GPC5: variants seen among roughly 807,000 people sequenced by gnomAD.
GPC5 encodes the protein glypican-5.
A neutral mutation model predicts 53.9 loss-of-function variants in GPC5; 47 were observed. The observed-to-expected ratio is 0.87, with a 90% CI of 0.69 to 1.11. The LOEUF (loss-of-function observed/expected upper bound fraction) is 1.11, where lower values mean the gene tolerates loss of function less well. GPC5 is among the 50% of genes most tolerant of loss of function. The pLI is 0.00. For missense variants in GPC5, 748 were observed against 713.1 expected (o/e 1.05, Z -0.56); for synonymous variants, 286 against 263.3 (o/e 1.09, Z -0.84).
Position 92,866,461 on chromosome 13 carries a change from TAC to T in GPC5, c.*23_*24del, listed in dbSNP as rs1415554411. 2.6e-6 allele frequency: 4 copies of T among 1,558,056 alleles called. No homozygotes were observed. The highest frequency in any genetic ancestry group is 3.5e-6 in the Non-Finnish European group (4 of 1,145,548). On this transcript the variant is annotated 3_prime_UTR_variant, in exon 8 of 8. Coordinates refer to ENST00000377067, the MANE Select transcript of GPC5 (RefSeq NM_004466.6). ...GTAACTGAACTCTTCTGTCCTGACA[TAC>T]CTTACTGAAGTCTCGATTTCTTCTC...
rs569720322 is a variant in GPC5 at position 91,485,628 on chromosome 13, CT to C, written c.325+36714del. On this transcript the variant is annotated intron_variant, in intron 2 of 7. Coordinates refer to ENST00000377067, the MANE Select transcript of GPC5 (RefSeq NM_004466.6). The stretch of plus-strand genomic sequence containing the variant: ...AATAGTAATAGCAAACAACTGTGCT[CT>C]TTTTTTTCTTCCAGTTAAGATTTGT... Among the ~76,000 whole-genome samples, 116 of 152,084 alleles carry C rather than the reference CT, an allele frequency of 7.6e-4. 1 individual carries two copies. The highest frequency in any genetic ancestry group is 2.6e-3 in the African/African-American group (106 of 41,488).
chr13:91,813,283 C>T (rs980344111), intron 5 of GPC5, among the ~76,000 whole-genome samples: 7 of 152,162 alleles, frequency 4.6e-5, no homozygotes, highest in African/African-American at 1.4e-4. Flanking sequence ...TACTTTGATG[C>T]ACCTGTTATG....
intron 7 of GPC5, among the ~76,000 whole-genome samples, chr13:92,758,476 A>T (rs1351589922): frequency 6.6e-6 from 1 of 152,054 alleles, no homozygotes; most frequent in African/African-American, 2.4e-5. Flanking sequence ...AAAGTATAAT[A>T]ATAATAAAAA....
At chr13:91,905,299 C>T (rs1442917900) in intron 5 of GPC5, among the ~76,000 whole-genome samples, 2 of 151,718 alleles carry the variant, frequency 1.3e-5, no homozygotes, top group Admixed American at 6.6e-5. Context: ...CTCTCTCTAT[C>T]TCTCTCTATA....
In GPC5 at chr13:91,731,834, A is replaced by T. The variant is rs754605990; in HGVS notation, c.1154+3169A>T. 1.8e-4 allele frequency among the ~76,000 whole-genome samples: 27 copies of T among 152,116 alleles called. 1 individual carries two copies. The highest frequency in any genetic ancestry group is 3.1e-4 in the Non-Finnish European group (21 of 68,034). The stretch of plus-strand genomic sequence containing the variant: ...GCTGAGGATGATGGCTTCCAGCTTC[A>T]CCCATGTCCCTGAAAAGGACACGGT... On this transcript the variant is annotated intron_variant, in intron 4 of 7. Transcript: ENST00000377067.
intron 2 of GPC5, among the ~76,000 whole-genome samples, chr13:91,675,834 G>A (rs1246972610): frequency 9.9e-5 from 15 of 152,270 alleles, no homozygotes; most frequent in Admixed American, 7.8e-4. Flanking sequence ...ACAAGGAGGC[G>A]GGAGATGAAA....
chr13:92,146,983 G>A (rs1313570739), intron 7 of GPC5, among the ~76,000 whole-genome samples: 2 of 152,002 alleles, frequency 1.3e-5, no homozygotes, highest in Non-Finnish European at 2.9e-5. Flanking sequence ...ATAACTCTTA[G>A]GGCATAATGG....
rs919526457 is a variant in GPC5 at position 91,682,528 on chromosome 13, A to T, written c.326-10659A>T. 1.8e-4 allele frequency among the ~76,000 whole-genome samples: 27 copies of T among 152,308 alleles called. 1 individual carries two copies. The highest frequency in any genetic ancestry group is 5.2e-4 in the Admixed American group (8 of 15,282). ...GGAAATTTACACGCATGGGACTAGC[A>T]TCTAATTATAGGGCATTTGAACCAA... is the stretch of plus-strand genomic sequence containing the variant. On this transcript the variant is annotated intron_variant, in intron 2 of 7. Transcript: ENST00000377067.
intron 7 of GPC5, among the ~76,000 whole-genome samples, chr13:92,607,726 G>A (rs1292463898): frequency 3.3e-5 from 5 of 152,110 alleles, no homozygotes; most frequent in Admixed American, 3.3e-4. Context: ...GCTAAATTGA[G>A]CTGATTTAAT....
chr13:91,961,595 A>C (rs1383493752), intron 6 of GPC5, among the ~76,000 whole-genome samples: 1 of 152,122 alleles, frequency 6.6e-6, no homozygotes. Context: ...AGGAATAAAC[A>C]AAGGATTGTT....
At chr13:92,474,590 G>C (rs1212043404) in intron 7 of GPC5, among the ~76,000 whole-genome samples, 1 of 150,816 alleles carries the variant, frequency 6.6e-6, no homozygotes, top group African/African-American at 2.4e-5. Context: ...AATATGTATG[G>C]TATAATTTTT....
intron 4 of GPC5, among the ~76,000 whole-genome samples, chr13:91,733,890 A>G (rs1275198053): frequency 6.6e-6 from 1 of 152,164 alleles, no homozygotes; most frequent in African/African-American, 2.4e-5. Flanking sequence ...GAGAAGGGGC[A>G]TCCTTGTTTT....
intron 2 of GPC5, among the ~76,000 whole-genome samples, chr13:91,634,516 A>C (rs536253896): frequency 3.3e-5 from 5 of 152,186 alleles, no homozygotes; most frequent in African/African-American, 1.2e-4. Context: ...CCAAAGTCTC[A>C]TAAGTCTCAT....
At chr13:92,113,995 C>T (rs950888855) in intron 6 of GPC5, among the ~76,000 whole-genome samples, 3 of 152,154 alleles carry the variant, frequency 2.0e-5, no homozygotes, top group South Asian at 4.1e-4. Context: ...TGTTTAGTAT[C>T]GGGTTATATG....
intron 1 of GPC5, among the ~76,000 whole-genome samples, chr13:91,426,131 A>G (rs1428146034): frequency 6.6e-6 from 1 of 152,200 alleles, no homozygotes; most frequent in Non-Finnish European, 1.5e-5. Flanking sequence ...AAGAAAAACT[A>G]ATTTTCTGGG....
chr13:91,678,144 TAAC>T (rs2035425602), intron 2 of GPC5, among the ~76,000 whole-genome samples: 1 of 152,230 alleles, frequency 6.6e-6, no homozygotes, highest in African/African-American at 2.4e-5. Context: ...AAACTGTCTG[TAAC>T]TTCGGAGTGA....
At chr13:92,035,372 G>C (rs2040884862) in intron 6 of GPC5, among the ~76,000 whole-genome samples, 1 of 152,064 alleles carries the variant, frequency 6.6e-6, no homozygotes, top group East Asian at 1.9e-4. Context: ...GGAGTTCTTG[G>C]CATAGATTTT....
chr13:91,913,167 G>A (rs547130319), intron 6 of GPC5, among the ~76,000 whole-genome samples: 32 of 152,222 alleles, frequency 2.1e-4, no homozygotes, highest in Admixed American at 8.5e-4. Context: ...TTGAGAGGCC[G>A]AGGTGGGCGG....
At chr13:91,859,388 T>G (rs2039001520) in intron 5 of GPC5, among the ~76,000 whole-genome samples, 1 of 151,978 alleles carries the variant, frequency 6.6e-6, no homozygotes, top group South Asian at 2.1e-4. Flanking sequence ...ATTTTTAATT[T>G]CTTTGTGGAA....
Sources: gnomAD v4.1 joint callset for allele counts (sites outside exome capture counted in the v4.1 genomes callset) on GRCh38, gnomAD v4.1.1 for gene constraint, MANE v1.5 for transcripts, NCBI Gene and HGNC (gene_info 2026-07-23, HGNC 2026-07-21) for gene names.